SOBP: variants seen among roughly 807,000 people sequenced by gnomAD.
SOBP encodes sine oculis-binding protein homolog.
In SOBP, 4 loss-of-function variants were observed where a neutral mutation model predicts 53.6. The observed-to-expected ratio is 0.07, with a 90% CI of 0.04 to 0.17. The LOEUF is 0.17. Among genes scored for constraint, SOBP ranks in the 10% least tolerant of loss-of-function variants. The pLI is 1.00. For synonymous variants in SOBP, 584 were observed against 522.6 expected (o/e 1.12, Z -1.60); for missense variants, 1,088 against 1,204.7 (o/e 0.90, Z 1.43).
intron 5 of SOBP, among the ~76,000 whole-genome samples, chr6:107,629,101 A>C (rs1237485610): frequency 2.0e-5 from 3 of 152,232 alleles, no homozygotes; most frequent in African/African-American, 7.2e-5. Context: ...GTTTTGCTTA[A>C]GGAGCTACAA....
At chr6:107,649,151 C>T (rs929568199) in intron 6 of SOBP, among the ~76,000 whole-genome samples, 2 of 142,426 alleles carry the variant, frequency 1.4e-5, no homozygotes, top group African/African-American at 2.6e-5. Context: ...GACCTTGCCC[C>T]GCCCCCACTA....
chr6:107,499,215 T>G (rs1782774236), intron 1 of SOBP, among the ~76,000 whole-genome samples: 1 of 152,166 alleles, frequency 6.6e-6, no homozygotes, highest in African/African-American at 2.4e-5. Flanking sequence ...GCTTAAGAAT[T>G]AGAAGATATG....
At chr6:107,567,484 CAG>C (rs1458292802) in intron 4 of SOBP, among the ~76,000 whole-genome samples, 1 of 152,144 alleles carries the variant, frequency 6.6e-6, no homozygotes, top group Non-Finnish European at 1.5e-5. Flanking sequence ...TAATCTTAAC[CAG>C]GCAGAAAATT....
chr6:107,594,882 G>A (rs1419585811), intron 5 of SOBP, among the ~76,000 whole-genome samples: 1 of 152,214 alleles, frequency 6.6e-6, no homozygotes, highest in African/African-American at 2.4e-5. Flanking sequence ...CAGTGAGCAG[G>A]CACAGAGCTA....
At chr6:107,537,069 A>G (rs1024118262) in intron 4 of SOBP, among the ~76,000 whole-genome samples, 4 of 152,192 alleles carry the variant, frequency 2.6e-5, no homozygotes, top group African/African-American at 9.7e-5. Flanking sequence ...CTGTCCTTGT[A>G]ATTCATCTAG....
intron 3 of SOBP, among the ~76,000 whole-genome samples, chr6:107,519,961 A>G (rs1183955787): frequency 6.6e-6 from 1 of 152,252 alleles, no homozygotes; most frequent in Non-Finnish European, 1.5e-5. Flanking sequence ...GTGAAAAACC[A>G]GAAATTAATG....
chr6:107,598,551 G>T (rs1464896566), intron 5 of SOBP, among the ~76,000 whole-genome samples: 1 of 152,166 alleles, frequency 6.6e-6, no homozygotes, highest in Non-Finnish European at 1.5e-5. Flanking sequence ...GTAGGTTGTG[G>T]TCAGATAATA....
At chr6:107,616,053 A>T (rs1207847395) in intron 5 of SOBP, among the ~76,000 whole-genome samples, 1 of 108,796 alleles carries the variant, frequency 9.2e-6, no homozygotes, top group African/African-American at 3.8e-5. Flanking sequence ...AAAAGAAAAA[A>T]AAAGGATGCC....
In SOBP at chr6:107,490,379, C is replaced by G. The variant is rs1330404287; in HGVS notation, c.-238C>G. The G allele has an allele frequency of 4.1e-6, 1 of 244,610 alleles. No homozygotes were observed. Among genetic ancestry groups the G allele is most frequent in the African/African-American group, 2.4e-5 (1 of 42,196 alleles). The allele number at this position is 244,610 out of a possible 1,614,324, so 15.2% of individuals were successfully genotyped here. A position where few individuals can be genotyped will look rare whatever the true frequency, so the allele number is the denominator to read the frequency against. On this transcript the variant is annotated 5_prime_UTR_variant, in exon 1 of 7. Coordinates refer to ENST00000317357, the MANE Select transcript of SOBP (RefSeq NM_018013.4). ...GAGCCGGAGCGACGGCGGCGGCATCCCCGAGACTCTCCGCACTATCCTTAC... is the reference window on the plus strand; with the variant it reads ...GAGCCGGAGCGACGGCGGCGGCATCGCCGAGACTCTCCGCACTATCCTTAC...
chr6:107,603,689 A>G (rs1786266355), intron 5 of SOBP, among the ~76,000 whole-genome samples: 1 of 152,194 alleles, frequency 6.6e-6, no homozygotes, highest in African/African-American at 2.4e-5. Context: ...CTAAGCTAGC[A>G]TATCCATGGC....
chr6:107,554,828 C>T (rs1444561190), intron 4 of SOBP, among the ~76,000 whole-genome samples: 1 of 152,120 alleles, frequency 6.6e-6, no homozygotes. Context: ...ATGGTGCAAG[C>T]ATTGACTTTT....
intron 5 of SOBP, among the ~76,000 whole-genome samples, chr6:107,590,914 A>G (rs1027130199): frequency 7.9e-5 from 12 of 152,182 alleles, no homozygotes; most frequent in African/African-American, 2.9e-4. Flanking sequence ...AGCATCTTCT[A>G]TGTACAAGGC....
chr6:107,525,072 T>C (rs1783623096), intron 3 of SOBP, among the ~76,000 whole-genome samples: 1 of 152,218 alleles, frequency 6.6e-6, no homozygotes, highest in South Asian at 2.1e-4. Context: ...ATCACATCCA[T>C]GTAAGTACCC....
chr6:107,532,266 CA>C (rs1239405259), intron 3 of SOBP, among the ~76,000 whole-genome samples: 104 of 150,304 alleles, frequency 6.9e-4, no homozygotes, highest in Non-Finnish European at 7.5e-4. Context: ...CACACACACA[CA>C]CACACCACAC....
chr6:107,568,645 G>A (rs1784982548), intron 4 of SOBP, among the ~76,000 whole-genome samples: 1 of 152,180 alleles, frequency 6.6e-6, no homozygotes, highest in Non-Finnish European at 1.5e-5. Context: ...GAATGAGAAG[G>A]AGCTGCCAGT....
At chr6:107,632,383 AAAAG>A (rs1435779924) in intron 5 of SOBP, among the ~76,000 whole-genome samples, 1 of 152,040 alleles carries the variant, frequency 6.6e-6, no homozygotes, top group Non-Finnish European at 1.5e-5. Context: ...TCTGTCAAAA[AAAAG>A]TAAGGCACTG....
chr6:107,506,883 C>G (rs142681078), intron 3 of SOBP, among the ~76,000 whole-genome samples: 1 of 151,856 alleles, frequency 6.6e-6, no homozygotes, highest in Non-Finnish European at 1.5e-5. Flanking sequence ...TGATGAAACC[C>G]CATGTCTACT....
chr6:107,600,414 G>A (rs1272938526), intron 5 of SOBP, among the ~76,000 whole-genome samples: 1 of 152,076 alleles, frequency 6.6e-6, no homozygotes, highest in African/African-American at 2.4e-5. Context: ...TCATTCGAGT[G>A]GTAGCCCCTG....
intron 5 of SOBP, among the ~76,000 whole-genome samples, chr6:107,618,931 G>A (rs1157836913): frequency 6.6e-6 from 1 of 152,210 alleles, no homozygotes; most frequent in Non-Finnish European, 1.5e-5. Flanking sequence ...ACCACAAGGT[G>A]AAATGTAATA....
Sources: gnomAD v4.1 joint callset for allele counts (sites outside exome capture counted in the v4.1 genomes callset) on GRCh38, gnomAD v4.1.1 for gene constraint, MANE v1.5 for transcripts, NCBI Gene and HGNC (gene_info 2026-07-23, HGNC 2026-07-21) for gene names.